CTBP1: variants seen among roughly 807,000 people sequenced by gnomAD.
CTBP1 encodes the protein C-terminal binding protein 1.
A neutral mutation model predicts 42.1 loss-of-function variants in CTBP1; 11 were observed. The observed-to-expected ratio is 0.26, with a 90% confidence interval of 0.16 to 0.43. The LOEUF is 0.43. Among genes scored for constraint, CTBP1 ranks in the 20% least tolerant of loss-of-function variants. CTBP1 has a pLI of 1.00. For missense variants in CTBP1, 399 were observed against 624.3 expected (o/e 0.64, Z 3.85); for synonymous variants, 324 against 277.1 (o/e 1.17, Z -1.68).
At chr4:1,243,354 G>A (rs1732389353) in intron 1 of CTBP1, 2 of 985,280 alleles carry the variant, frequency 2.0e-6, no homozygotes, top group Non-Finnish European at 2.4e-6. Flanking sequence ...ACCTGTGGCA[G>A]GGCTCCTGGG....
At chr4:1,245,414 C>A (rs1255410125) in intron 1 of CTBP1, 2 of 985,424 alleles carry the variant, frequency 2.0e-6, no homozygotes, top group Non-Finnish European at 2.4e-6. Flanking sequence ...GGTATCAGGG[C>A]TACACCTTCC....
chr4:1,216,246 G>A (rs750636616), intron 5 of CTBP1, 41 bp from the exon 6 acceptor site: 7 of 1,568,176 alleles, frequency 4.5e-6, no homozygotes, highest in East Asian at 2.3e-5. Context: ...TTGCTCACCC[G>A]TGGCCGGGAG....
At position 1,241,315 on chromosome 4, in the gene CTBP1, C is replaced by T; in HGVS notation, c.7+10G>A. The T allele has an allele frequency of 1.2e-6, 1 of 837,604 alleles. No homozygotes were observed. Among genetic ancestry groups the T allele is most frequent in the African/African-American group, 1.7e-5 (1 of 60,264 alleles). The allele number at this position is 837,604 out of a possible 1,614,324, so 51.9% of individuals were successfully genotyped here. On this transcript the variant is annotated intron_variant, in intron 2 of 9. Coordinates refer to ENST00000382952, the MANE Select transcript of CTBP1 (RefSeq NM_001012614.2). ...TCACTCTGCCGCCGACGCCAGGAAC[C>T]CCTACCAACCTGACATCTCTTAATA...
intron 1 of CTBP1, among the ~76,000 whole-genome samples, chr4:1,248,116 G>A (rs1439264203): frequency 1.3e-5 from 2 of 152,122 alleles, no homozygotes; most frequent in South Asian, 4.1e-4. Context: ...CCCAGGACGC[G>A]GGCGCTGCAA....
intron 2 of CTBP1, among the ~76,000 whole-genome samples, chr4:1,239,773 G>C (rs993424071): frequency 1.1e-4 from 16 of 152,230 alleles, no homozygotes; most frequent in African/African-American, 3.9e-4. Flanking sequence ...AGGAGCCACT[G>C]GCCATTCCAC....
intron 5 of CTBP1, chr4:1,217,645 G>C (rs560332573): frequency 6.6e-6 from 1 of 152,242 alleles, no homozygotes; most frequent in Admixed American, 6.5e-5. Flanking sequence ...GGCCGGCGCC[G>C]GCCACGCCTG....
chr4:1,243,158 C>A, intron 1 of CTBP1: 1 of 985,482 alleles, frequency 1.0e-6, no homozygotes, highest in Non-Finnish European at 1.2e-6. Flanking sequence ...CTGCCCACAG[C>A]AGCATGGCAC....
chr4:1,240,610 C>T (rs546772880), intron 2 of CTBP1, among the ~76,000 whole-genome samples: 15 of 137,750 alleles, frequency 1.1e-4, no homozygotes, highest in African/African-American at 3.5e-4. Flanking sequence ...GGTCCCTCGT[C>T]GGAACCGCGT....
chr4:1,216,261 G>A, intron 5 of CTBP1, 56 bp from the exon 6 acceptor site: 1 of 1,518,710 alleles, frequency 6.6e-7, no homozygotes, highest in Admixed American at 1.9e-5. Flanking sequence ...CGGGAGGCCG[G>A]CCCCGAAAGC....
At position 1,246,307 on chromosome 4, in the gene CTBP1, C is replaced by G. The variant is rs566857164; in HGVS notation, c.-189+2609G>C. On this transcript the variant is annotated intron_variant, in intron 1 of 9. Coordinates refer to ENST00000382952, the MANE Select transcript of CTBP1 (RefSeq NM_001012614.2). The stretch of plus-strand genomic sequence containing the variant: ...GCGCTCCGACCAGCGTTCCCTTGGG[C>G]GATGCAGTTCAACCACAGAACCCGT... 2.6e-4 allele frequency among the ~76,000 whole-genome samples: 39 copies of G among 152,260 alleles called. 1 individual carries two copies. Among genetic ancestry groups the G allele is most frequent in the African/African-American group, 9.4e-4 (39 of 41,536 alleles).
intron 5 of CTBP1, 159 bp from the exon 6 acceptor site, chr4:1,216,364 C>G: frequency 1.4e-6 from 1 of 709,364 alleles, no homozygotes; most frequent in Non-Finnish European, 2.3e-6. Flanking sequence ...ACGCTCCACA[C>G]GAGCGCTCCA....
At chr4:1,241,705 A>G (rs992715832) in intron 1 of CTBP1, 186 bp from the exon 2 acceptor site, 9 of 1,228,302 alleles carry the variant, frequency 7.3e-6, no homozygotes, top group Non-Finnish European at 9.3e-6. Context: ...CGCACACACG[A>G]AGGGCGCTCA....
Position 1,245,737 on chromosome 4 carries a change from T to C in CTBP1, c.-189+3179A>G, listed in dbSNP as rs528765679. ...GGCACAAGCAGGTCAGGGTGGCACGTGTGGGTAGGGTAGCACGGGTAGGCA... is the reference window on the plus strand; with the variant it reads ...GGCACAAGCAGGTCAGGGTGGCACGCGTGGGTAGGGTAGCACGGGTAGGCA... On this transcript the variant is annotated intron_variant, in intron 1 of 9. Coordinates refer to ENST00000382952, the MANE Select transcript of CTBP1 (RefSeq NM_001012614.2). The C allele has an allele frequency of 3.9e-4, 372 of 949,048 alleles. 6 individuals are homozygous for C. The Middle Eastern group carries it at 6.5e-3, about 17-fold the overall frequency. 58.8% of individuals were successfully genotyped at this position (949,048 alleles called of 1,614,324 possible).
At chr4:1,213,102 G>C in intron 8 of CTBP1, 72 bp from the exon 9 acceptor site, 1 of 1,267,724 alleles carries the variant, frequency 7.9e-7, no homozygotes, top group Non-Finnish European at 1.1e-6. Context: ...CTGGGTTGAA[G>C]ACACGGGCAG....
At chr4:1,216,318 A>G (rs2108716099) in intron 5 of CTBP1, 113 bp from the exon 6 acceptor site, 1 of 1,091,036 alleles carries the variant, frequency 9.2e-7, no homozygotes, top group East Asian at 2.6e-5. Flanking sequence ...TCTGCCAAGG[A>G]TGACACCAGC....
chr4:1,237,068 T>G (rs1392457613), intron 3 of CTBP1: 2 of 669,276 alleles, frequency 3.0e-6, no homozygotes, highest in African/African-American at 3.7e-5. Context: ...AGTGTGGGGC[T>G]CAGGGAAAAC....
chr4:1,236,966 T>C, intron 3 of CTBP1: 1 of 676,676 alleles, frequency 1.5e-6, no homozygotes, highest in South Asian at 1.6e-5. Context: ...GTCCACCTCC[T>C]GATGGGGCTC....
chr4:1,213,555 T>TG lies in CTBP1; in HGVS notation c.910dup (p.His304ProfsTer59). 1 of 1,613,116 alleles carries TG rather than the reference T, an allele frequency of 6.2e-7. No homozygotes were observed. On this transcript the variant is annotated frameshift_variant, in exon 8 of 10. Transcript: ENST00000382952. LOFTEE classifies it high-confidence loss of function. ...TGCCTGCTCGCTGTACCATGCAGCA[T>TG]GGGGGGTGCAGATGAGGTTGGGTGC...
At chr4:1,250,347 G>C (rs1422888531), upstream of CTBP1, 3 of 279,684 alleles carry the variant, frequency 1.1e-5, no homozygotes, top group Non-Finnish European at 2.2e-5. Context: ...AGGAAACCTG[G>C]CAGGTGTCAC....
Sources: gnomAD v4.1 joint callset for allele counts (sites outside exome capture counted in the v4.1 genomes callset) on GRCh38, gnomAD v4.1.1 for gene constraint, MANE v1.5 for transcripts, NCBI Gene and HGNC (gene_info 2026-07-23, HGNC 2026-07-21) for gene names.